GOSR2: variants seen among roughly 807,000 people sequenced by gnomAD.
The protein encoded by GOSR2 is golgi SNAP receptor complex member 2.
GOSR2 carries 20 observed loss-of-function variants against 27.9 expected under a neutral mutation model. The ratio of observed to expected loss-of-function variants is 0.72; its 90% confidence interval spans 0.50 to 1.04. The LOEUF is 1.04. Ranked by LOEUF, GOSR2 falls within the 50% of genes least tolerant of loss-of-function variation. The probability of loss-of-function intolerance (pLI) is 0.00; values close to 1 mark genes in which losing one functional copy is unlikely to be tolerated. For missense variants in GOSR2, 261 were observed against 270.5 expected (o/e 0.97, Z 0.25); for synonymous variants, 91 against 98.8 (o/e 0.92, Z 0.47).
At position 46,932,173 on chromosome 17, in the gene GOSR2, C is replaced by A; in HGVS notation, c.310C>A (p.Leu104Ile). 9 of 1,614,144 alleles carry A rather than the reference C, an allele frequency of 5.6e-6. No homozygotes were observed. The highest frequency in any genetic ancestry group is 1.6e-4 in the Middle Eastern group (1 of 6,062). ...GCAGCAGGAGAGACAGCGAGAAGAGCTTCTGTCTCGAACCTTCACCACTAA... is the reference window on the plus strand; with the variant it reads ...GCAGCAGGAGAGACAGCGAGAAGAGATTCTGTCTCGAACCTTCACCACTAA... Reference protein sequence around the residue: ...REQQERQREELLSRTFTTNDS... With the variant: ...REQQERQREEILSRTFTTNDS... The change falls in exon 4 of 6, where the codon CTT (leucine) becomes ATT (isoleucine). Residue 104 changes from leucine (L) to isoleucine (I), a missense_variant. Leu to Ile is a conservative substitution (Grantham distance 5). Coordinates refer to ENST00000640051, the MANE Select transcript of GOSR2 (RefSeq NM_004287.5).
chr17:46,974,200 C>G (rs2091422570), intron 6 of GOSR2, among the ~76,000 whole-genome samples: 1 of 152,230 alleles, frequency 6.6e-6, no homozygotes. Context: ...GAACCAGCTA[C>G]CTGGGGAGCA....
chr17:46,950,777 G>C (rs753028376), intron 6 of GOSR2, among the ~76,000 whole-genome samples: 34 of 152,296 alleles, frequency 2.2e-4, no homozygotes, highest in Middle Eastern at 3.4e-3. Flanking sequence ...TGAGACATGG[G>C]GCTGATGAGA....
chr17:46,949,945 C>T (rs1268245272), intron 6 of GOSR2, among the ~76,000 whole-genome samples: 1 of 152,208 alleles, frequency 6.6e-6, no homozygotes. Context: ...TCATTAGTCC[C>T]TGCCCTCCTC....
intron 6 of GOSR2, among the ~76,000 whole-genome samples, chr17:46,952,231 C>T (rs1039912718): frequency 3.3e-5 from 5 of 152,188 alleles, no homozygotes; most frequent in Non-Finnish European, 5.9e-5. Context: ...ACCTGTGCCA[C>T]GGGACTCAGC....
intron 6 of GOSR2, chr17:46,949,122 C>T (rs947945863): frequency 1.3e-5 from 2 of 152,206 alleles, no homozygotes; most frequent in Non-Finnish European, 2.9e-5. Flanking sequence ...GGGGACCAGG[C>T]GTGGCTGGGA....
chr17:46,929,388 T>TA lies in GOSR2; in HGVS notation c.30-131dup, dbSNP rs1253757707. 1.3e-5 allele frequency: 9 copies of TA among 701,968 alleles called. No individual in the cohort carries two copies. The African/African-American group carries it at 1.6e-4, about 12-fold the overall frequency. The allele number at this position is 701,968 out of a possible 1,614,324, so 43.5% of individuals were successfully genotyped here. A position where few individuals can be genotyped will look rare whatever the true frequency, so the allele number is the denominator to read the frequency against. Reference sequence around the variant, plus strand: ...AAAACGTGGGACCTAAAGTGCCACATACAAATTTTACAGTTCAGTGATGCT... The same window carrying TA: ...AAAACGTGGGACCTAAAGTGCCACATAACAAATTTTACAGTTCAGTGATGCT... On this transcript the variant is annotated intron_variant, in intron 1 of 5. Transcript: ENST00000640051.
At chr17:46,969,828 C>G (rs1244904098), downstream of GOSR2, among the ~76,000 whole-genome samples, 6 of 152,184 alleles carry the variant, frequency 3.9e-5, no homozygotes, top group Non-Finnish European at 8.8e-5. Context: ...CCAACTCTCC[C>G]ATTGCAAGAG....
Position 46,940,529 on chromosome 17 carries a change from G to C in GOSR2, c.*1769G>C. On this transcript the variant is annotated 3_prime_UTR_variant, in exon 6 of 6. Coordinates refer to ENST00000640051, the MANE Select transcript of GOSR2 (RefSeq NM_004287.5). ...TCCATAAAATGGATTCTGAGACTGC[G>C]ACGGCAAGGCTGTCCTGTCCCCCAG... 6.2e-7 allele frequency: 1 copy of C among 1,614,052 alleles called. No individual in the cohort carries two copies. The highest frequency in any genetic ancestry group is 2.2e-5 in the East Asian group (1 of 44,886).
At chr17:46,952,300 G>C (rs1280300891) in intron 6 of GOSR2, among the ~76,000 whole-genome samples, 1 of 152,218 alleles carries the variant, frequency 6.6e-6, no homozygotes, top group Non-Finnish European at 1.5e-5. Flanking sequence ...ATGCAGGACT[G>C]GGTCAGCAGC....
intron 1 of GOSR2, among the ~76,000 whole-genome samples, chr17:46,928,357 A>G (rs1222823744): frequency 1.3e-5 from 2 of 152,156 alleles, no homozygotes; most frequent in African/African-American, 4.8e-5. Context: ...ATTGCTCACG[A>G]TGCAGAATGG....
rs550727825 is a variant in GOSR2 at position 46,941,634 on chromosome 17, C to T, written c.*2874C>T. The T allele has an allele frequency of 1.8e-3, 313 of 174,784 alleles. No individual in the cohort carries two copies. Among genetic ancestry groups the T allele is most frequent in the African/African-American group, 6.4e-3 (266 of 41,878 alleles). The allele number at this position is 174,784 out of a possible 1,614,324, so 10.8% of individuals were successfully genotyped here. ...TGTCACCCAGGCTGGAGTGCAGTGGCGCAATCTTGGCTCACTGCATCCTCT... is the reference window on the plus strand; with the variant it reads ...TGTCACCCAGGCTGGAGTGCAGTGGTGCAATCTTGGCTCACTGCATCCTCT... On this transcript the variant is annotated 3_prime_UTR_variant, in exon 6 of 6. Coordinates refer to ENST00000640051, the MANE Select transcript of GOSR2 (RefSeq NM_004287.5).
intron 4 of GOSR2, among the ~76,000 whole-genome samples, chr17:46,934,785 A>G (rs1047381839): frequency 1.3e-5 from 2 of 152,212 alleles, no homozygotes; most frequent in African/African-American, 4.8e-5. Flanking sequence ...GTATCGTTGG[A>G]ATGAACGATA....
chr17:46,962,072 C>T (rs1212971084), intron 6 of GOSR2, among the ~76,000 whole-genome samples: 1 of 152,160 alleles, frequency 6.6e-6, no homozygotes, highest in African/African-American at 2.4e-5. Flanking sequence ...TGGCTCATGC[C>T]TGTAATCTCA....
At chr17:46,972,463 G>A (rs1345720434) in intron 6 of GOSR2, among the ~76,000 whole-genome samples, 1 of 152,216 alleles carries the variant, frequency 6.6e-6, no homozygotes, top group East Asian at 1.9e-4. Context: ...TGGGCACCCC[G>A]AGCCCTTGCT....
At chr17:46,946,915 A>G (rs1304759338), downstream of GOSR2, among the ~76,000 whole-genome samples, 2 of 152,196 alleles carry the variant, frequency 1.3e-5, no homozygotes, top group Non-Finnish European at 2.9e-5. Flanking sequence ...GTCAAGTGCC[A>G]AGCAAGTGGG....
downstream of GOSR2, among the ~76,000 whole-genome samples, chr17:46,944,583 G>A (rs2089665718): frequency 6.6e-6 from 1 of 151,612 alleles, no homozygotes; most frequent in Non-Finnish European, 1.5e-5. Flanking sequence ...TCTACAGTGG[G>A]GCCTGGGCTT....
intron 1 of GOSR2, 39 bp from the exon 2 acceptor site, chr17:46,929,481 A>G (rs1568166267): frequency 8.7e-6 from 9 of 1,031,900 alleles, no homozygotes; most frequent in Non-Finnish European, 1.4e-5. Context: ...GCTGTTGATT[A>G]CTCCTGTCTC....
At chr17:46,932,578 G>T (rs2087567219) in intron 4 of GOSR2, 2 of 467,180 alleles carry the variant, frequency 4.3e-6, no homozygotes, top group Admixed American at 7.8e-5. Context: ...CTGCCTGCGG[G>T]CAGTTGCCAT....
intron 5 of GOSR2, chr17:46,936,639 G>GAATA: frequency 1.0e-6 from 1 of 985,298 alleles, no homozygotes; most frequent in Non-Finnish European, 1.2e-6. Flanking sequence ...GGCTGAAAAT[G>GAATA]AATACATTTT....
Sources: gnomAD v4.1 joint callset for allele counts (sites outside exome capture counted in the v4.1 genomes callset) on GRCh38, gnomAD v4.1.1 for gene constraint, MANE v1.5 for transcripts, NCBI Gene and HGNC (gene_info 2026-07-23, HGNC 2026-07-21) for gene names.